ADGRL2: variants seen among roughly 807,000 people sequenced by gnomAD.
ADGRL2 encodes adhesion G protein-coupled receptor L2, also known as calcium-independent alpha-latrotoxin receptor 2.
ADGRL2 carries 44 observed loss-of-function variants against 157.4 expected under a neutral mutation model. The ratio of observed to expected loss-of-function variants is 0.28; its 90% CI spans 0.22 to 0.36. The LOEUF (loss-of-function observed/expected upper bound fraction) is 0.36. Among genes scored for constraint, ADGRL2 ranks in the 10% least tolerant of loss-of-function variants. The pLI, the probability that ADGRL2 is intolerant of heterozygous loss-of-function variation, is 1.00. For synonymous variants in ADGRL2, 585 were observed against 624.7 expected (o/e 0.94, Z 0.95); for missense variants, 1,510 against 1,768.9 (o/e 0.85, Z 2.63).
chr1:81,548,767 A>G (rs1337899769), intron 2 of ADGRL2, among the ~76,000 whole-genome samples: 1 of 152,134 alleles, frequency 6.6e-6, no homozygotes, highest in Non-Finnish European at 1.5e-5. Context: ...AAGAAGAAAA[A>G]CTTTCGTGAG....
intron 2 of ADGRL2, among the ~76,000 whole-genome samples, chr1:81,475,313 T>C (rs183906496): frequency 3.3e-5 from 5 of 152,294 alleles, no homozygotes; most frequent in Non-Finnish European, 7.4e-5. Context: ...GCATGCATAA[T>C]CAGCTACTCC....
In ADGRL2 at chr1:81,987,349, ATC is replaced by A. The variant is rs1158683663; in HGVS notation, c.3637+322_3637+323del. ...GATTTATATCATTTAGAGGTATCCTATCTATATAATATACTGTTCAGTTAATT... is the reference window on the plus strand; with the variant it reads ...GATTTATATCATTTAGAGGTATCCTATATATAATATACTGTTCAGTTAATT... On this transcript the variant is annotated intron_variant, in intron 22 of 23. Coordinates refer to ENST00000686636, the MANE Select transcript of ADGRL2 (RefSeq NM_001366006.2). The A allele has an allele frequency of 2.0e-6, 3 of 1,471,982 alleles. No individual in the cohort carries two copies. The Admixed American group carries it at 5.0e-5, about 25-fold the overall frequency. 91.2% of individuals were successfully genotyped at this position (1,471,982 alleles called of 1,614,324 possible). A position where few individuals can be genotyped will look rare whatever the true frequency, so the allele number is the denominator to read the frequency against.
rs1375938549 is a variant in ADGRL2, at chr1:81,819,530, G to A, written c.-100-17355G>A. ...TTTAAATGTTTTTAAATGTTTTCGA[G>A]TGTATACCTGCATATGTTTTTACAC... On this transcript the variant is annotated intron_variant, in intron 1 of 23. Transcript: ENST00000686636. 3.9e-5 allele frequency among the ~76,000 whole-genome samples: 6 copies of A among 151,986 alleles called. 1 individual carries two copies. In the South Asian group the frequency reaches 8.3e-4, roughly 21 times the overall value.
At chr1:81,674,199 A>G (rs1318568003) in intron 3 of ADGRL2, among the ~76,000 whole-genome samples, 1 of 152,212 alleles carries the variant, frequency 6.6e-6, no homozygotes, top group Non-Finnish European at 1.5e-5. Flanking sequence ...TGAAACATAA[A>G]CAAAACTTGG....
intron 3 of ADGRL2, among the ~76,000 whole-genome samples, chr1:81,930,627 A>G (rs2095210536): frequency 6.6e-6 from 1 of 152,200 alleles, no homozygotes; most frequent in African/African-American, 2.4e-5. Context: ...CAATATCACC[A>G]ACTTTAAATA....
intron 1 of ADGRL2, among the ~76,000 whole-genome samples, chr1:81,383,623 A>G (rs567839607): frequency 6.6e-6 from 1 of 151,310 alleles, no homozygotes; most frequent in East Asian, 1.9e-4. Flanking sequence ...AGTCTTGACC[A>G]AGTCTTAGGA....
intron 3 of ADGRL2, among the ~76,000 whole-genome samples, chr1:81,626,331 G>A (rs2081908227): frequency 6.6e-6 from 1 of 152,064 alleles, no homozygotes; most frequent in Non-Finnish European, 1.5e-5. Flanking sequence ...TTGAGACAGT[G>A]TCTCACTCCT....
chr1:81,890,762 C>T (rs1218556906), intron 2 of ADGRL2, among the ~76,000 whole-genome samples: 1 of 152,088 alleles, frequency 6.6e-6, no homozygotes, highest in Admixed American at 6.5e-5. Flanking sequence ...GGCCCATCTC[C>T]ATGTTCACCT....
At chr1:81,333,782 T>C (rs1661443570) in intron 1 of ADGRL2, among the ~76,000 whole-genome samples, 1 of 150,652 alleles carries the variant, frequency 6.6e-6, no homozygotes, top group Non-Finnish European at 1.5e-5. Flanking sequence ...AAAAAAAAAT[T>C]CCTTACTTCC....
At chr1:81,733,691 G>A (rs1290399394) in intron 1 of ADGRL2, among the ~76,000 whole-genome samples, 1 of 152,118 alleles carries the variant, frequency 6.6e-6, no homozygotes, top group African/African-American at 2.4e-5. Flanking sequence ...ATGTTGCAGT[G>A]AGTGGAAGAG....
In ADGRL2 at chr1:81,968,220, T is replaced by C. The variant is rs760297424; in HGVS notation, c.2523+21T>C. 10 of 1,598,844 alleles carry C rather than the reference T, an allele frequency of 6.3e-6. No individual in the cohort carries two copies. In the Admixed American group the frequency reaches 7.2e-5, roughly 11 times the overall value. On this transcript the variant is annotated intron_variant, in intron 14 of 23. Transcript: ENST00000686636. ...TTGCAGTAAGTATTTGCACTTCTAA[T>C]TAGTAGCAGAGAAAAACCTCAGAGA...
chr1:81,814,779 C>G (rs1236074178), intron 1 of ADGRL2, among the ~76,000 whole-genome samples: 1 of 149,620 alleles, frequency 6.7e-6, no homozygotes, highest in African/African-American at 2.4e-5. Flanking sequence ...ATTATCTACA[C>G]TGAATGTAGT....
At chr1:81,458,661 A>G (rs2077857359) in intron 2 of ADGRL2, among the ~76,000 whole-genome samples, 1 of 152,198 alleles carries the variant, frequency 6.6e-6, no homozygotes. Flanking sequence ...GCATGCCACA[A>G]AGTGGCTTCC....
chr1:81,524,854 A>G (rs1282007558), intron 2 of ADGRL2, among the ~76,000 whole-genome samples: 1 of 151,896 alleles, frequency 6.6e-6, no homozygotes, highest in East Asian at 1.9e-4. Flanking sequence ...ACAGGGAGCT[A>G]TGATCGTGCC....
chr1:81,649,797 C>T (rs569935607), intron 3 of ADGRL2, among the ~76,000 whole-genome samples: 3 of 152,142 alleles, frequency 2.0e-5, no homozygotes, highest in African/African-American at 4.8e-5. Flanking sequence ...GTGAGTTAAA[C>T]GCATTCTCAG....
chr1:81,910,710 C>A, intron 3 of ADGRL2, among the ~76,000 whole-genome samples: 1 of 147,598 alleles, frequency 6.8e-6, no homozygotes, highest in East Asian at 2.0e-4. Flanking sequence ...ATAATTATTG[C>A]TTATATAGAA....
chr1:81,612,880 C>A (rs563142915), intron 3 of ADGRL2, among the ~76,000 whole-genome samples: 2 of 152,206 alleles, frequency 1.3e-5, no homozygotes, highest in Admixed American at 1.3e-4. Flanking sequence ...TCACATCTGT[C>A]AGGATGACTG....
chr1:81,778,321 CAAAAAAA>C (rs35538546), intron 2 of ADGRL2, among the ~76,000 whole-genome samples: 1 of 136,386 alleles, frequency 7.3e-6, no homozygotes, highest in African/African-American at 2.6e-5. Context: ...GACTCCGTCT[CAAAAAAA>C]AAAAAAAAAA....
intron 1 of ADGRL2, among the ~76,000 whole-genome samples, chr1:81,316,182 T>C (rs1162573877): frequency 6.6e-6 from 1 of 152,140 alleles, no homozygotes; most frequent in Non-Finnish European, 1.5e-5. Flanking sequence ...ACCACCTTTT[T>C]AAAGTACATT....
Sources: allele counts gnomAD v4.1 joint callset (sites outside exome capture counted in the v4.1 genomes callset), GRCh38; gene constraint gnomAD v4.1.1; transcripts MANE v1.5; gene names NCBI Gene and HGNC (gene_info 2026-07-23, HGNC 2026-07-21).